Variants in INSL6 observed in about 807,000 individuals in gnomAD.
The protein encoded by INSL6 is insulin like 6, also known as insulin-like peptide INSL6.
INSL6 carries 16 observed loss-of-function variants against 9.4 expected under a neutral mutation model. The observed-to-expected ratio is 1.70, with a 90% CI of 1.15 to 2.59. INSL6 has a LOEUF of 2.59. Among genes scored for constraint, INSL6 ranks in the 30% most tolerant of loss-of-function variants. The probability of loss-of-function intolerance (pLI) is 0.00; values close to 1 mark genes in which losing one functional copy is unlikely to be tolerated. For missense variants in INSL6, 391 were observed against 257.3 expected (o/e 1.52, Z -3.56); for synonymous variants, 154 against 96.9 (o/e 1.59, Z -3.46).
the INSL6 span, among the ~76,000 whole-genome samples, chr9:5,013,161 C>T: frequency 6.6e-6 from 1 of 152,060 alleles, no homozygotes; most frequent in Middle Eastern, 3.2e-3. Flanking sequence ...CTTTCTTGCT[C>T]AATAAGAAAA....
At chr9:5,069,628 A>G in the INSL6 span, among the ~76,000 whole-genome samples, 1 of 152,138 alleles carries the variant, frequency 6.6e-6, no homozygotes, top group Non-Finnish European at 1.5e-5. Flanking sequence ...GAAAAATTGT[A>G]TGAGTTAAGG....
intron 1 of INSL6, among the ~76,000 whole-genome samples, chr9:5,179,066 GA>G (rs769056074): frequency 2.7e-5 from 4 of 148,468 alleles, no homozygotes; most frequent in Non-Finnish European, 5.9e-5. Context: ...AAAATCATGA[GA>G]GTGAACAGAC....
At chr9:5,024,146 C>A in the INSL6 span, among the ~76,000 whole-genome samples, 1 of 152,092 alleles carries the variant, frequency 6.6e-6, no homozygotes, top group Admixed American at 6.5e-5. Context: ...GTCCCAGCTA[C>A]TTGGGAGGCT....
At chr9:5,057,573 C>T in the INSL6 span, among the ~76,000 whole-genome samples, 4 of 137,502 alleles carry the variant, frequency 2.9e-5, no homozygotes, top group Non-Finnish European at 6.1e-5. Context: ...AACCAGCATT[C>T]TACTTTCTTT....
chr9:5,142,811 T>C (rs1465254174), intron 2 of INSL6, among the ~76,000 whole-genome samples: 3 of 152,200 alleles, frequency 2.0e-5, no homozygotes, highest in African/African-American at 7.2e-5. Context: ...CTTTTACCCA[T>C]TCAGTATGAT....
At chr9:5,022,148 A>G in the INSL6 span, 1 of 1,614,194 alleles carries the variant, frequency 6.2e-7, no homozygotes, top group Non-Finnish European at 8.5e-7. Flanking sequence ...GAGGCAGATT[A>G]TCTGACCTTT....
At chr9:4,999,285 T>A in the INSL6 span, among the ~76,000 whole-genome samples, 1 of 152,212 alleles carries the variant, frequency 6.6e-6, no homozygotes, top group Non-Finnish European at 1.5e-5. Flanking sequence ...GATTTCTTGT[T>A]TCTTAAGTGA....
At chr9:5,046,834 C>T in the INSL6 span, among the ~76,000 whole-genome samples, 1 of 152,130 alleles carries the variant, frequency 6.6e-6, no homozygotes, top group Admixed American at 6.5e-5. Context: ...GTTGCTTTTA[C>T]GGGTATATTA....
the INSL6 span, among the ~76,000 whole-genome samples, chr9:5,063,415 A>C: frequency 2.0e-5 from 3 of 152,084 alleles, no homozygotes; most frequent in Admixed American, 6.6e-5. Flanking sequence ...TGTGGACTGG[A>C]AGTTTTCTGG....
the INSL6 span, among the ~76,000 whole-genome samples, chr9:5,103,221 C>CAAAAAAAAAAAAAAA: frequency 7.3e-4 from 5 of 6,872 alleles, no homozygotes; most frequent in East Asian, 3.6e-3. Context: ...AAAGGGAAAG[C>CAAAAAAAAAAAAAAA]AAAAAAAAAA....
downstream of INSL6, chr9:5,123,076 G>A (rs1262935392): frequency 3.7e-6 from 6 of 1,611,286 alleles, no homozygotes; most frequent in African/African-American, 6.7e-5. Context: ...GAGTGGTTCT[G>A]TATGAACTTT....
chr9:5,042,124 CTTTTTTT>C, the INSL6 span, among the ~76,000 whole-genome samples: 1,138 of 107,628 alleles, frequency 0.011, 6 homozygotes, highest in African/African-American at 0.016. Flanking sequence ...GCCAAAATTT[CTTTTTTT>C]TTTTTTTTTT....
At chr9:5,061,774 A>G in the INSL6 span, among the ~76,000 whole-genome samples, 5 of 152,348 alleles carry the variant, frequency 3.3e-5, no homozygotes, top group South Asian at 1.0e-3. Flanking sequence ...TTAGTGCAAG[A>G]GGCCTAGCTT....
the INSL6 span, among the ~76,000 whole-genome samples, chr9:5,088,652 T>C: frequency 6.6e-6 from 1 of 152,306 alleles, no homozygotes; most frequent in East Asian, 1.9e-4. Context: ...CATCAGACAT[T>C]TATTTCTTTG....
At chr9:5,034,783 G>C in the INSL6 span, among the ~76,000 whole-genome samples, 8 of 152,204 alleles carry the variant, frequency 5.3e-5, no homozygotes, top group Admixed American at 3.9e-4. Context: ...ACAAGAGAAA[G>C]CAGGAAAGAT....
chr9:5,148,790 G>A (rs1268334983), intron 2 of INSL6, among the ~76,000 whole-genome samples: 1 of 152,170 alleles, frequency 6.6e-6, no homozygotes, highest in African/African-American at 2.4e-5. Context: ...GGTGTGGTGG[G>A]AGATCCAAAG....
the INSL6 span, among the ~76,000 whole-genome samples, chr9:5,057,580 CTT>C: frequency 0.014 from 1,683 of 116,684 alleles, 10 homozygotes; most frequent in African/African-American, 0.037. Context: ...ATTCTACTTT[CTT>C]TTTTTTTTTT....
At chr9:5,130,789 C>T (rs530784797) in intron 3 of INSL6, among the ~76,000 whole-genome samples, 61 of 149,610 alleles carry the variant, frequency 4.1e-4, no homozygotes, top group Middle Eastern at 3.5e-3. Flanking sequence ...AGTGCAGTGG[C>T]GCGATCTCGG....
the INSL6 span, among the ~76,000 whole-genome samples, chr9:5,023,924 G>C: frequency 6.6e-6 from 1 of 151,670 alleles, no homozygotes; most frequent in East Asian, 1.9e-4. Context: ...TTTTTAGCTT[G>C]TAAGATATTT....
Sources: gnomAD v4.1 joint callset for allele counts (sites outside exome capture counted in the v4.1 genomes callset) on GRCh38, gnomAD v4.1.1 for gene constraint, MANE v1.5 for transcripts, NCBI Gene and HGNC (gene_info 2026-07-23, HGNC 2026-07-21) for gene names.